Variants in TMEM169 observed in about 807,000 individuals in gnomAD.
The protein encoded by TMEM169 is transmembrane protein 169.
In TMEM169, 18 loss-of-function variants were observed where a neutral mutation model predicts 27.3. The ratio of observed to expected loss-of-function variants is 0.66; its 90% confidence interval spans 0.46 to 0.98. TMEM169 has a LOEUF of 0.98. TMEM169 is among the 50% of genes least tolerant of loss of function. The probability of loss-of-function intolerance (pLI) is 0.00; values close to 1 mark genes in which losing one functional copy is unlikely to be tolerated. For missense variants in TMEM169, 320 were observed against 368.6 expected (o/e 0.87, Z 1.08); for synonymous variants, 136 against 142.1 (o/e 0.96, Z 0.30).
At chr2:216,088,231 G>A (rs1696052079) in intron 1 of TMEM169, among the ~76,000 whole-genome samples, 2 of 151,768 alleles carry the variant, frequency 1.3e-5, no homozygotes, top group African/African-American at 4.8e-5. Context: ...AGACCGAGGC[G>A]GGCAGATCAC....
chr2:216,088,093 G>A (rs1403622305), intron 1 of TMEM169, among the ~76,000 whole-genome samples: 1 of 151,354 alleles, frequency 6.6e-6, no homozygotes, highest in Non-Finnish European at 1.5e-5. Context: ...TGGAGGCTGA[G>A]GTTGCAGTGA....
At chr2:216,088,277 G>A (rs1399159410) in intron 1 of TMEM169, among the ~76,000 whole-genome samples, 2 of 152,048 alleles carry the variant, frequency 1.3e-5, no homozygotes, top group Non-Finnish European at 2.9e-5. Context: ...GGCTAACACG[G>A]TGAAACCCCG....
intron 1 of TMEM169, among the ~76,000 whole-genome samples, chr2:216,089,988 T>C (rs958913436): frequency 1.3e-5 from 2 of 152,222 alleles, no homozygotes; most frequent in African/African-American, 4.8e-5. Context: ...TCCTGGCCTA[T>C]TTCTCATCTT....
intron 2 of TMEM169, among the ~76,000 whole-genome samples, chr2:216,097,582 T>A (rs909821822): frequency 2.0e-5 from 3 of 151,822 alleles, no homozygotes; most frequent in African/African-American, 7.3e-5. Context: ...CTCGAAAAAA[T>A]AATAATAATT....
At position 216,099,056 on chromosome 2, in the gene TMEM169, T is replaced by C. The variant is rs1428700202; in HGVS notation, c.272-864T>C. ...GCATGTATGCTGTGTGTATGTGTGGTGTGTGTGATGTGTATGTGTGTGTGT... is the reference window on the plus strand; with the variant it reads ...GCATGTATGCTGTGTGTATGTGTGGCGTGTGTGATGTGTATGTGTGTGTGT... On this transcript the variant is annotated intron_variant, in intron 2 of 2. Transcript: ENST00000437356. The surrounding 1 kb of genome is among the most constrained non-coding windows in gnomAD (Gnocchi z 5.0). Among the ~76,000 whole-genome samples the C allele has an allele frequency of 2.0e-5, 3 of 151,270 alleles. No homozygotes were observed. Among genetic ancestry groups the C allele is most frequent in the African/African-American group, 7.3e-5 (3 of 41,082 alleles).
chr2:216,083,145 G>T (rs1695908487), intron 1 of TMEM169, among the ~76,000 whole-genome samples: 1 of 152,122 alleles, frequency 6.6e-6, no homozygotes. Flanking sequence ...ATCTACACTC[G>T]TTAAAGAAAG....
chr2:216,100,005 C>T lies in TMEM169; in HGVS notation c.357C>T (p.Asp119=), dbSNP rs1348435224. ...GGAAGAAAAAGGGTCAGATGGTGGACATCCATGTCACATTGACAGAGAAAG... is the reference window on the plus strand; with the variant it reads ...GGAAGAAAAAGGGTCAGATGGTGGATATCCATGTCACATTGACAGAGAAAG... ...TRGKKKGQMV[D]IHVTLTEKEL... Residue 119 remains aspartate (D), a synonymous_variant, in exon 3 of 3, where the codon GAC becomes GAT. Transcript: ENST00000437356. The T allele has an allele frequency of 6.2e-7, 1 of 1,614,140 alleles. No individual in the cohort carries two copies. The highest frequency in any genetic ancestry group is 8.5e-7 in the Non-Finnish European group (1 of 1,180,028).
rs779218750 is a variant in TMEM169, at chr2:216,100,073, C to T, written c.425C>T (p.Thr142Met). The change falls in exon 3 of 3, where the codon ACG becomes ATG. Residue 142 changes from threonine (T) to methionine (M), a missense_variant. Coordinates refer to ENST00000437356, the MANE Select transcript of TMEM169 (RefSeq NM_001142311.2). ...AAACCTAAAGAGTCATCAAGGGAAA[C>T]GACGCCTGAAGGAAGAATGGCCTGC... ...LTKPKESSRE[T>M]TPEGRMACQM... is the part of the protein sequence containing the mutation. 1.4e-5 allele frequency: 22 copies of T among 1,614,046 alleles called. 1 individual carries two copies. Among genetic ancestry groups the T allele is most frequent in the African/African-American group, 5.3e-5 (4 of 74,920 alleles).
intron 2 of TMEM169, among the ~76,000 whole-genome samples, chr2:216,097,805 G>A (rs1696297596): frequency 6.6e-6 from 1 of 152,154 alleles, no homozygotes. Flanking sequence ...CATGCTGATG[G>A]GAAGATGAGT....
Position 216,081,980 on chromosome 2 carries a change from G to A in TMEM169, c.-127+1G>A. 1.9e-6 allele frequency: 1 copy of A among 523,454 alleles called. No individual in the cohort carries two copies. The highest frequency in any genetic ancestry group is 3.4e-6 in the Non-Finnish European group (1 of 296,030). The allele number at this position is 523,454 out of a possible 1,614,324, so 32.4% of individuals were successfully genotyped here. A position where few individuals can be genotyped will look rare whatever the true frequency, so the allele number is the denominator to read the frequency against. On this transcript the variant is annotated splice_donor_variant, in intron 1 of 2. Transcript: ENST00000437356. LOFTEE classifies it low-confidence loss of function (5UTR_SPLICE). ...AGCGTCGGTCCCTGGGCAGGTGTGGGTGAGACTGCTCGTTCGTTTCTTTAA... is the reference window on the plus strand; with the variant it reads ...AGCGTCGGTCCCTGGGCAGGTGTGGATGAGACTGCTCGTTCGTTTCTTTAA...
intron 1 of TMEM169, among the ~76,000 whole-genome samples, chr2:216,094,091 G>A (rs1467274960): frequency 6.6e-6 from 1 of 152,194 alleles, no homozygotes; most frequent in Non-Finnish European, 1.5e-5. Flanking sequence ...AAGGCTCAGA[G>A]AGCACTGAAA....
rs905518754 is a variant in TMEM169, at chr2:216,099,070, A to ATG, written c.272-839_272-838dup. Reference sequence around the variant, plus strand: ...TGTATGTGTGGTGTGTGTGATGTGTATGTGTGTGTGTGGTGTGTTATGTGT... The same window carrying ATG: ...TGTATGTGTGGTGTGTGTGATGTGTATGTGTGTGTGTGTGGTGTGTTATGTGT... On this transcript the variant is annotated intron_variant, in intron 2 of 2. Transcript: ENST00000437356. The surrounding 1 kb of genome is among the most constrained non-coding windows in gnomAD (Gnocchi z 5.0). 2.9e-5 allele frequency among the ~76,000 whole-genome samples: 4 copies of ATG among 136,398 alleles called. No homozygotes were observed. The highest frequency in any genetic ancestry group is 4.7e-4 in the South Asian group (2 of 4,286). The allele number at this position is 136,398 out of a possible 152,430, so 89.5% of individuals were successfully genotyped here.
chr2:216,085,609 G>A (rs537189212), intron 1 of TMEM169, among the ~76,000 whole-genome samples: 20 of 152,230 alleles, frequency 1.3e-4, no homozygotes, highest in African/African-American at 3.4e-4. Flanking sequence ...AGTGGCTCAC[G>A]CCTGTAATCC....
rs1245309423 is a variant in TMEM169, at chr2:216,100,330, T to C, written c.682T>C (p.Tyr228His). The change falls in exon 3 of 3, where the codon TAC becomes CAC. Residue 228 changes from tyrosine (Y) to histidine (H), a missense_variant. Physicochemically the swap from Tyr to His is moderately conservative, Grantham distance 83. Coordinates refer to ENST00000437356, the MANE Select transcript of TMEM169 (RefSeq NM_001142311.2). ...GGCCATGGCTTCTTCCCTCGGCCTC[T>C]ACGCTGCTGTGGTCCAGCTCTCGTG... is the stretch of plus-strand genomic sequence containing the variant. ...IMAMASSLGL[Y>H]AAVVQLSWSW... 6.2e-7 allele frequency: 1 copy of C among 1,614,048 alleles called. No homozygotes were observed. Among genetic ancestry groups the C allele is most frequent in the East Asian group, 2.2e-5 (1 of 44,876 alleles).
chr2:216,092,820 T>C (rs1237235048), intron 1 of TMEM169, among the ~76,000 whole-genome samples: 3 of 145,836 alleles, frequency 2.1e-5, no homozygotes, highest in Non-Finnish European at 4.4e-5. Flanking sequence ...AAACAGATGA[T>C]CTAAGTAGGA....
chr2:216,091,493 G>T (rs1368114001), intron 1 of TMEM169, among the ~76,000 whole-genome samples: 1 of 145,816 alleles, frequency 6.9e-6, no homozygotes, highest in Admixed American at 7.1e-5. Context: ...GGAGGCAGAG[G>T]TTGCAGTGAG....
Position 216,096,287 on chromosome 2 carries a change from C to A in TMEM169, c.271+53C>A. ...AGCCATGGGAAGGAAACCAAAAGGG[C>A]ATCTTCCAGAACAGACAGGCATATG... On this transcript the variant is annotated intron_variant, in intron 2 of 2. Coordinates refer to ENST00000437356, the MANE Select transcript of TMEM169 (RefSeq NM_001142311.2). 4.4e-6 allele frequency: 7 copies of A among 1,573,844 alleles called. No homozygotes were observed. In the South Asian group the frequency reaches 7.1e-5, roughly 16 times the overall value.
chr2:216,088,459 G>A (rs557433766), intron 1 of TMEM169, among the ~76,000 whole-genome samples: 7 of 152,338 alleles, frequency 4.6e-5, no homozygotes, highest in East Asian at 3.9e-4. Flanking sequence ...GCGAGACTCC[G>A]TCTCAAAACA....
At chr2:216,087,852 C>G (rs777667464) in intron 1 of TMEM169, among the ~76,000 whole-genome samples, 1 of 152,182 alleles carries the variant, frequency 6.6e-6, no homozygotes, top group Non-Finnish European at 1.5e-5. Flanking sequence ...CAAAATAATA[C>G]TTGCTTCATA....
Sources: gnomAD v4.1 joint callset for allele counts (sites outside exome capture counted in the v4.1 genomes callset) on GRCh38, gnomAD v4.1.1 for gene constraint, Gnocchi (gnomAD v3.1) non-coding constraint, MANE v1.5 for transcripts, NCBI Gene and HGNC (gene_info 2026-07-23, HGNC 2026-07-21) for gene names.